UTRN: variants seen among roughly 807,000 people sequenced by gnomAD.
UTRN encodes dystrophin-related protein 1.
A neutral mutation model predicts 463.9 loss-of-function variants in UTRN; 283 were observed. That is an observed-to-expected ratio of 0.61 (90% CI 0.55 to 0.67). UTRN has a LOEUF of 0.67. Among genes scored for constraint, UTRN ranks in the 30% least tolerant of loss-of-function variants. The probability of loss-of-function intolerance (pLI) is 0.00; values close to 1 mark genes in which losing one functional copy is unlikely to be tolerated. For missense variants in UTRN, 3,922 were observed against 4,084.3 expected, an observed-to-expected ratio of 0.96 and a Z score of 1.08; for synonymous variants, 1,442 against 1,431.5, an observed-to-expected ratio of 1.01 and a Z score of -0.17.
intron 51 of UTRN, among the ~76,000 whole-genome samples, chr6:144,585,162 A>C (rs943930646): frequency 5.3e-5 from 8 of 152,138 alleles, no homozygotes; most frequent in Admixed American, 2.0e-4. Context: ...AAATAGGCAC[A>C]AGTTAAGTCA....
intron 54 of UTRN, among the ~76,000 whole-genome samples, chr6:144,744,471 G>A (rs1315998735): frequency 6.9e-6 from 1 of 145,152 alleles, no homozygotes; most frequent in South Asian, 2.2e-4. Context: ...TTTTACTTAT[G>A]TATATTATAC....
chr6:144,811,678 T>A (rs1778625217), intron 65 of UTRN, among the ~76,000 whole-genome samples: 2 of 152,070 alleles, frequency 1.3e-5, no homozygotes, highest in Admixed American at 6.6e-5. Flanking sequence ...CAAATGTGTC[T>A]GAATTTCAAC....
At chr6:144,711,469 C>G (rs1785703399) in intron 53 of UTRN, among the ~76,000 whole-genome samples, 1 of 152,154 alleles carries the variant, frequency 6.6e-6, no homozygotes, top group Non-Finnish European at 1.5e-5. Context: ...TATGCAACTT[C>G]CCTTTCAAGA....
At chr6:144,617,538 A>G (rs1185471196) in intron 51 of UTRN, among the ~76,000 whole-genome samples, 1 of 152,154 alleles carries the variant, frequency 6.6e-6, no homozygotes, top group Non-Finnish European at 1.5e-5. Flanking sequence ...AACTATGAGT[A>G]TTGATTTATG....
intron 51 of UTRN, among the ~76,000 whole-genome samples, chr6:144,617,582 G>A (rs1229693038): frequency 6.6e-6 from 1 of 152,200 alleles, no homozygotes; most frequent in Non-Finnish European, 1.5e-5. Context: ...TAAAGTCATT[G>A]TGGCTATGCT....
intron 51 of UTRN, among the ~76,000 whole-genome samples, chr6:144,656,038 A>G (rs1486683498): frequency 6.6e-6 from 1 of 152,014 alleles, no homozygotes; most frequent in East Asian, 1.9e-4. Context: ...TGGTTCTGGA[A>G]CTTTTTGCTT....
At chr6:144,301,312 T>C (rs1425411199) in intron 2 of UTRN, among the ~76,000 whole-genome samples, 2 of 152,174 alleles carry the variant, frequency 1.3e-5, no homozygotes, top group Non-Finnish European at 2.9e-5. Context: ...CATACGCTTT[T>C]TCAAGATACG....
chr6:144,747,127 A>G (rs904656326), intron 54 of UTRN, among the ~76,000 whole-genome samples: 48 of 152,320 alleles, frequency 3.2e-4, no homozygotes, highest in Middle Eastern at 3.4e-3. Context: ...TATGATGATC[A>G]TTTTCCAAGT....
At chr6:144,397,463 C>A (rs943174549) in intron 2 of UTRN, among the ~76,000 whole-genome samples, 1 of 152,018 alleles carries the variant, frequency 6.6e-6, no homozygotes, top group Non-Finnish European at 1.5e-5. Context: ...ATTTTTAAAG[C>A]ATATATTTTA....
At chr6:144,752,972 G>A (rs1010662295) in intron 56 of UTRN, among the ~76,000 whole-genome samples, 2 of 152,284 alleles carry the variant, frequency 1.3e-5, no homozygotes, top group Admixed American at 6.5e-5. Flanking sequence ...ATCTATGCTG[G>A]TGGGCAACAC....
chr6:144,780,760 G>A (rs1015423288), intron 60 of UTRN, among the ~76,000 whole-genome samples: 5 of 152,100 alleles, frequency 3.3e-5, no homozygotes, highest in African/African-American at 7.2e-5. Flanking sequence ...TTTCACTGCC[G>A]GCAAACACCA....
At chr6:144,630,520 T>A (rs13207026) in intron 51 of UTRN, among the ~76,000 whole-genome samples, 23,126 of 152,060 alleles carry the variant, frequency 0.15, 2,184 homozygotes, top group Admixed American at 0.26. Flanking sequence ...AACCATCAGA[T>A]CTCGTGAGAC....
intron 49 of UTRN, among the ~76,000 whole-genome samples, chr6:144,555,705 G>C (rs1042986015): frequency 1.3e-5 from 2 of 152,150 alleles, no homozygotes; most frequent in African/African-American, 4.8e-5. Context: ...GTCACACACT[G>C]TTAAACCATC....
At chr6:144,337,629 T>G (rs1776837622) in intron 2 of UTRN, among the ~76,000 whole-genome samples, 1 of 152,144 alleles carries the variant, frequency 6.6e-6, no homozygotes. Context: ...ATTATTATTA[T>G]TTTGAGATGG....
Position 144,499,376 on chromosome 6 carries a change from C to T in UTRN, c.4713C>T (p.Ser1571=). The T allele has an allele frequency of 1.9e-6, 3 of 1,612,444 alleles. No individual in the cohort carries two copies. Among genetic ancestry groups the T allele is most frequent in the Non-Finnish European group, 2.5e-6 (3 of 1,178,936 alleles). Residue 1571 remains serine, a synonymous_variant, in exon 34 of 75, where the codon TCC becomes TCT. Transcript: ENST00000367545. ...SATETELVQK[S]TSEGLLGDLD... The stretch of plus-strand genomic sequence containing the variant: ...CTGAAACTGAATTGGTACAGAAGTC[C>T]ACTTCAGAAGGTCTGCTTGGTGACT...
At chr6:144,301,737 G>A (rs188910640) in intron 2 of UTRN, among the ~76,000 whole-genome samples, 8 of 151,786 alleles carry the variant, frequency 5.3e-5, no homozygotes, top group Non-Finnish European at 1.2e-4. Context: ...GTTTCACCAC[G>A]TTGCCGAGGC....
intron 60 of UTRN, among the ~76,000 whole-genome samples, chr6:144,777,807 A>T (rs1188172167): frequency 6.6e-6 from 1 of 152,208 alleles, no homozygotes; most frequent in African/African-American, 2.4e-5. Context: ...AATTGGGGAT[A>T]AGAAGGGAAG....
chr6:144,800,122 A>G (rs759600088), intron 64 of UTRN, among the ~76,000 whole-genome samples: 6 of 152,222 alleles, frequency 3.9e-5, no homozygotes, highest in African/African-American at 1.2e-4. Flanking sequence ...TAGAGATGCC[A>G]TGAGGGACCA....
intron 51 of UTRN, among the ~76,000 whole-genome samples, chr6:144,613,303 A>G (rs1229034735): frequency 6.6e-6 from 1 of 152,050 alleles, no homozygotes; most frequent in African/African-American, 2.4e-5. Flanking sequence ...GAGAGACATG[A>G]ATGAAAAGAG....
Sources: gnomAD v4.1 joint callset for allele counts (sites outside exome capture counted in the v4.1 genomes callset) on GRCh38, gnomAD v4.1.1 for gene constraint, MANE v1.5 for transcripts, NCBI Gene and HGNC (gene_info 2026-07-23, HGNC 2026-07-21) for gene names.